The following EBF1 variants were observed in gnomAD, a reference collection of about 807,000 sequenced individuals.
The protein encoded by EBF1 is EBF transcription factor 1.
In EBF1, 10 loss-of-function variants were observed where a neutral mutation model predicts 68.4. That is an observed-to-expected ratio of 0.15 (90% CI 0.09 to 0.25). EBF1 has a LOEUF of 0.25. Among genes scored for constraint, EBF1 ranks in the 10% least tolerant of loss-of-function variants. The pLI is 1.00. For synonymous variants in EBF1, 298 were observed against 299.8 expected (o/e 0.99, Z 0.06); for missense variants, 509 against 794.4 (o/e 0.64, Z 4.32).
chr5:158,991,536 G>A lies in EBF1; in HGVS notation c.554+81860C>T, dbSNP rs181816631. The stretch of plus-strand genomic sequence containing the variant: ...AATGTTTTTCAAGAAAAGAAGAAGC[G>A]CGCACACACAATTGTTCACTGTCAA... On this transcript the variant is annotated intron_variant, in intron 6 of 15. Coordinates refer to ENST00000313708, the MANE Select transcript of EBF1 (RefSeq NM_024007.5). Among the ~76,000 whole-genome samples the A allele has an allele frequency of 6.4e-3, 976 of 152,250 alleles. 5 individuals are homozygous for A. Among genetic ancestry groups the A allele is most frequent in the Middle Eastern group, 0.024 (7 of 294 alleles).
intron 14 of EBF1, among the ~76,000 whole-genome samples, chr5:158,711,074 G>A (rs1759146124): frequency 6.6e-6 from 1 of 152,134 alleles, no homozygotes; most frequent in African/African-American, 2.4e-5. Flanking sequence ...GCAGAGACAA[G>A]GCACCAAAGA....
intron 6 of EBF1, among the ~76,000 whole-genome samples, chr5:158,945,983 T>C (rs907222885): frequency 6.6e-6 from 1 of 152,234 alleles, no homozygotes; most frequent in Non-Finnish European, 1.5e-5. Flanking sequence ...TGGCTATTGA[T>C]ACTTCTGTAT....
chr5:158,784,233 A>G (rs1414908239), intron 9 of EBF1, among the ~76,000 whole-genome samples: 2 of 152,234 alleles, frequency 1.3e-5, no homozygotes, highest in African/African-American at 4.8e-5. Context: ...CAGGAAAGTT[A>G]AGAAATATGA....
At chr5:158,989,850 C>G (rs1239760612) in intron 6 of EBF1, among the ~76,000 whole-genome samples, 1 of 152,166 alleles carries the variant, frequency 6.6e-6, no homozygotes, top group East Asian at 1.9e-4. Context: ...TGCCTGACCT[C>G]CCCTGCTAAG....
intron 5 of EBF1, among the ~76,000 whole-genome samples, chr5:159,082,449 A>G (rs1779911203): frequency 6.6e-6 from 1 of 152,186 alleles, no homozygotes; most frequent in South Asian, 2.1e-4. Context: ...GTGCATAGCA[A>G]TTAGCCAGCC....
At chr5:158,967,548 T>C (rs560705789) in intron 6 of EBF1, among the ~76,000 whole-genome samples, 4 of 152,256 alleles carry the variant, frequency 2.6e-5, no homozygotes, top group East Asian at 3.9e-4. Context: ...ATCGAGTATA[T>C]GTTTGGAAGA....
chr5:158,963,526 G>A (rs1048126604), intron 6 of EBF1, among the ~76,000 whole-genome samples: 1 of 152,034 alleles, frequency 6.6e-6, no homozygotes, highest in Non-Finnish European at 1.5e-5. Context: ...CCAGTTATAG[G>A]CCTCTGCCTA....
rs1755126604 is a variant in EBF1, at chr5:158,969,892, GAAAGAAAGAAAGAAAGAAAGAAAGA to G, written c.554+103479_554+103503del. Among the ~76,000 whole-genome samples, 5 of 99,002 alleles carry G rather than the reference GAAAGAAAGAAAGAAAGAAAGAAAGA, an allele frequency of 5.1e-5. 1 individual carries two copies. The highest frequency in any genetic ancestry group is 2.3e-4 in the Admixed American group (2 of 8,806). 64.9% of individuals were successfully genotyped at this position (99,002 alleles called of 152,430 possible). On this transcript the variant is annotated intron_variant, in intron 6 of 15. Coordinates refer to ENST00000313708, the MANE Select transcript of EBF1 (RefSeq NM_024007.5). ...AGAAAGAAAGAAAGAAAGAAAGAAA[GAAAGAAAGAAAGAAAGAAAGAAAGA>G]AAAAAAAAAAAAAGGCTGCTGGAAG...
intron 6 of EBF1, among the ~76,000 whole-genome samples, chr5:159,020,098 G>A (rs1343072987): frequency 6.6e-6 from 1 of 151,916 alleles, no homozygotes; most frequent in Non-Finnish European, 1.5e-5. Context: ...GACCCCTGTT[G>A]CCTCCTATGT....
intron 6 of EBF1, among the ~76,000 whole-genome samples, chr5:158,906,621 T>G (rs1033755204): frequency 6.6e-6 from 1 of 152,178 alleles, no homozygotes; most frequent in African/African-American, 2.4e-5. Flanking sequence ...ACCACCTCTG[T>G]GAGGCAGGTA....
At chr5:159,078,585 C>A (rs953738816) in intron 5 of EBF1, among the ~76,000 whole-genome samples, 1 of 152,222 alleles carries the variant, frequency 6.6e-6, no homozygotes, top group African/African-American at 2.4e-5. Flanking sequence ...CTCATGCTGG[C>A]ATCTTGCAAG....
intron 6 of EBF1, among the ~76,000 whole-genome samples, chr5:158,967,129 C>T (rs904694204): frequency 1.3e-5 from 2 of 152,244 alleles, no homozygotes; most frequent in East Asian, 3.9e-4. Flanking sequence ...GGGAAGGCTG[C>T]TCCATAGTGA....
chr5:158,936,256 C>G (rs940593013), intron 6 of EBF1, among the ~76,000 whole-genome samples: 3 of 152,150 alleles, frequency 2.0e-5, no homozygotes, highest in African/African-American at 7.2e-5. Context: ...CCCATCTCAG[C>G]TGATCATGAA....
chr5:158,941,141 C>G (rs141175165), intron 6 of EBF1: 1 of 454,516 alleles, frequency 2.2e-6, no homozygotes, highest in Non-Finnish European at 4.4e-6. Context: ...ACATATGGCA[C>G]GTGGGGCTTT....
chr5:158,823,585 AGAG>A (rs1379724069), intron 7 of EBF1, among the ~76,000 whole-genome samples: 5 of 152,236 alleles, frequency 3.3e-5, no homozygotes, highest in African/African-American at 1.2e-4. Flanking sequence ...AATTTTAACA[AGAG>A]GATCTTTATT....
At chr5:159,055,070 G>A (rs967965659) in intron 6 of EBF1, among the ~76,000 whole-genome samples, 1 of 152,190 alleles carries the variant, frequency 6.6e-6, no homozygotes, top group Non-Finnish European at 1.5e-5. Flanking sequence ...TGTACCTGCT[G>A]CCTTATCTTC....
chr5:159,051,585 C>T (rs1184284877), intron 6 of EBF1, among the ~76,000 whole-genome samples: 4 of 151,844 alleles, frequency 2.6e-5, no homozygotes, highest in Non-Finnish European at 4.4e-5. Context: ...CAAACACCGC[C>T]GGCCCGGCTC....
chr5:158,749,794 C>G (rs1768388182), intron 10 of EBF1, among the ~76,000 whole-genome samples: 1 of 152,082 alleles, frequency 6.6e-6, no homozygotes, highest in African/African-American at 2.4e-5. Flanking sequence ...ACAAGGGAGG[C>G]TGGACATACC....
intron 6 of EBF1, among the ~76,000 whole-genome samples, chr5:158,862,601 T>C (rs963540676): frequency 6.6e-6 from 1 of 152,064 alleles, no homozygotes; most frequent in Non-Finnish European, 1.5e-5. Flanking sequence ...GCAAAGCAAG[T>C]CAATATTGGA....
Sources: gnomAD v4.1 joint callset for allele counts (sites outside exome capture counted in the v4.1 genomes callset) on GRCh38, gnomAD v4.1.1 for gene constraint, MANE v1.5 for transcripts, NCBI Gene and HGNC (gene_info 2026-07-23, HGNC 2026-07-21) for gene names.